The following ARHGAP19 variants were observed in gnomAD, a reference collection of about 807,000 sequenced individuals.
The protein encoded by ARHGAP19 is Rho GTPase activating protein 19, also known as rho GTPase-activating protein 19.
In ARHGAP19, 48 loss-of-function variants were observed where a neutral mutation model predicts 60.9. The observed-to-expected ratio is 0.79, with a 90% CI of 0.62 to 1.00. ARHGAP19 has a LOEUF of 1.00. Ranked by LOEUF, ARHGAP19 falls within the 50% of genes least tolerant of loss-of-function variation. The probability of loss-of-function intolerance (pLI) is 0.00; values close to 1 mark genes in which losing one functional copy is unlikely to be tolerated. For missense variants in ARHGAP19, 562 were observed against 597.2 expected, an observed-to-expected ratio of 0.94 and a Z score of 0.61; for synonymous variants, 209 against 215.5, an observed-to-expected ratio of 0.97 and a Z score of 0.27.
At chr10:97,285,642 C>T (rs1179918227) in intron 1 of ARHGAP19, among the ~76,000 whole-genome samples, 1 of 151,878 alleles carries the variant, frequency 6.6e-6, no homozygotes, top group Non-Finnish European at 1.5e-5. Context: ...CTGCCTCAGC[C>T]TCCCTAGTAG....
chr10:97,264,987 C>A, intron 2 of ARHGAP19, 81 bp from the exon 3 acceptor site: 1 of 1,064,994 alleles, frequency 9.4e-7, no homozygotes, highest in Non-Finnish European at 1.4e-6. Flanking sequence ...CTCAAGCATC[C>A]TATTTTACAA....
chr10:97,249,411 A>G (rs900744179), intron 6 of ARHGAP19, among the ~76,000 whole-genome samples: 10 of 152,224 alleles, frequency 6.6e-5, no homozygotes, highest in African/African-American at 2.4e-4. Flanking sequence ...GCACACAAAC[A>G]TCACCTGTGA....
At chr10:97,232,877 G>A (rs1279617139) in intron 9 of ARHGAP19, among the ~76,000 whole-genome samples, 1 of 152,116 alleles carries the variant, frequency 6.6e-6, no homozygotes, top group Admixed American at 6.5e-5. Context: ...GCTGGGCATG[G>A]TGGCTCACGC....
At chr10:97,247,154 C>T (rs1221896449) in intron 6 of ARHGAP19, among the ~76,000 whole-genome samples, 2 of 149,798 alleles carry the variant, frequency 1.3e-5, no homozygotes, top group East Asian at 3.9e-4. Flanking sequence ...AAAAAAATTA[C>T]AAAAAAATTA....
At chr10:97,251,386 G>A (rs1357303231) in intron 6 of ARHGAP19, among the ~76,000 whole-genome samples, 3 of 8,506 alleles carry the variant, frequency 3.5e-4, no homozygotes, top group Non-Finnish European at 9.5e-4. Flanking sequence ...TGGAAGGGAA[G>A]GGGAAGGGAA....
intron 11 of ARHGAP19, among the ~76,000 whole-genome samples, chr10:97,228,635 A>G (rs11189048): frequency 0.03 from 4,635 of 152,192 alleles, 226 homozygotes; most frequent in African/African-American, 0.1. Flanking sequence ...AGAGCCTGGG[A>G]CAATCAGCAG....
At chr10:97,233,477 A>G (rs1025161077) in intron 9 of ARHGAP19, among the ~76,000 whole-genome samples, 1 of 152,242 alleles carries the variant, frequency 6.6e-6, no homozygotes, top group Non-Finnish European at 1.5e-5. Flanking sequence ...TTTTTAAAAG[A>G]AAAGCAGGGC....
At chr10:97,280,839 C>A (rs1843075101) in intron 1 of ARHGAP19, among the ~76,000 whole-genome samples, 1 of 152,160 alleles carries the variant, frequency 6.6e-6, no homozygotes, top group Non-Finnish European at 1.5e-5. Flanking sequence ...CCCAGCTCAG[C>A]CTCCCCAAGT....
intron 1 of ARHGAP19, among the ~76,000 whole-genome samples, chr10:97,274,289 C>A (rs1312280584): frequency 3.3e-5 from 5 of 151,978 alleles, no homozygotes; most frequent in African/African-American, 4.8e-5. Context: ...CATGGTGAAA[C>A]CCCGTCTCTA....
chr10:97,278,887 A>G (rs1231366975), intron 1 of ARHGAP19, among the ~76,000 whole-genome samples: 1 of 152,112 alleles, frequency 6.6e-6, no homozygotes, highest in Non-Finnish European at 1.5e-5. Context: ...ACAAAACTAA[A>G]TGTTTCCTCC....
intron 8 of ARHGAP19, among the ~76,000 whole-genome samples, chr10:97,236,240 G>C (rs1206637392): frequency 6.6e-6 from 1 of 151,988 alleles, no homozygotes; most frequent in Non-Finnish European, 1.5e-5. Context: ...GCCTACCAAA[G>C]TGCTAGGATT....
At position 97,223,716 on chromosome 10, in the gene ARHGAP19, A is replaced by T. The variant is rs1282271406; in HGVS notation, c.*2406T>A. On this transcript the variant is annotated 3_prime_UTR_variant, in exon 12 of 12. Coordinates refer to ENST00000358531, the MANE Select transcript of ARHGAP19 (RefSeq NM_032900.6). ...ACTGGCTCAAAAACAATACCTGCCC[A>T]CCAAATCAGAAGGGAGACAGCAGCC... 3.3e-5 allele frequency: 5 copies of T among 152,248 alleles called. No individual in the cohort carries two copies. Among genetic ancestry groups the T allele is most frequent in the African/African-American group, 1.2e-4 (5 of 41,466 alleles). The allele number at this position is 152,248 out of a possible 1,614,324, so 9.4% of individuals were successfully genotyped here.
At chr10:97,233,022 G>A (rs868110640) in intron 9 of ARHGAP19, among the ~76,000 whole-genome samples, 2 of 152,038 alleles carry the variant, frequency 1.3e-5, no homozygotes, top group African/African-American at 4.8e-5. Context: ...GGTGGTGGGC[G>A]CCTGTAATCC....
At chr10:97,264,095 A>G (rs972032970) in intron 3 of ARHGAP19, among the ~76,000 whole-genome samples, 6 of 152,196 alleles carry the variant, frequency 3.9e-5, no homozygotes, top group Non-Finnish European at 8.8e-5. Context: ...TCCAGGAATT[A>G]GAACTCTAAT....
intron 1 of ARHGAP19, among the ~76,000 whole-genome samples, chr10:97,284,999 G>A (rs536889528): frequency 2.0e-5 from 3 of 151,426 alleles, no homozygotes; most frequent in Non-Finnish European, 2.9e-5. Flanking sequence ...AAGTAGCTGC[G>A]ATTACAGGTG....
intron 2 of ARHGAP19, 188 bp downstream of exon 2, chr10:97,265,672 T>A (rs777675057): frequency 4.7e-6 from 3 of 632,142 alleles, no homozygotes; most frequent in Non-Finnish European, 5.2e-6. Flanking sequence ...AGTTTAATTA[T>A]TTATTTATCT....
At chr10:97,290,225 A>C (rs1190162184) in intron 1 of ARHGAP19, among the ~76,000 whole-genome samples, 1 of 151,976 alleles carries the variant, frequency 6.6e-6, no homozygotes, top group Non-Finnish European at 1.5e-5. Context: ...CTCGCCCTCT[A>C]CCACTGCTGT....
Position 97,244,115 on chromosome 10 carries a change from C to T in ARHGAP19, c.1038G>A (p.Gln346=), listed in dbSNP as rs749830027. ...GGTTCCGTTTCTGAGACTTTGCCAG[C>T]TGAAAGGACTTAGTATGACATGAAG... The part of the protein sequence containing the change: ...LIASCHTKSF[Q]LAKSQKRNRV... Residue 346 remains glutamine (Q), a synonymous_variant, in exon 8 of 12, where the codon CAG becomes CAA. Transcript: ENST00000358531. 1.2e-6 allele frequency: 2 copies of T among 1,613,908 alleles called. No individual in the cohort carries two copies. The highest frequency in any genetic ancestry group is 1.7e-6 in the Non-Finnish European group (2 of 1,179,934).
Position 97,230,335 on chromosome 10 carries a change from C to T in ARHGAP19, c.1285-461G>A, listed in dbSNP as rs190176771. Among the ~76,000 whole-genome samples the T allele has an allele frequency of 2.0e-5, 3 of 152,298 alleles. No individual in the cohort carries two copies. In the East Asian group the frequency reaches 5.8e-4, roughly 29 times the overall value. Reference sequence around the variant, plus strand: ...TCTTCTCTAAGGCACTTCTTCCTCCCTGTCATTTACTCACACAGGACTGGA... The same window carrying T: ...TCTTCTCTAAGGCACTTCTTCCTCCTTGTCATTTACTCACACAGGACTGGA... On this transcript the variant is annotated intron_variant, in intron 9 of 11. Coordinates refer to ENST00000358531, the MANE Select transcript of ARHGAP19 (RefSeq NM_032900.6).
Sources: gnomAD v4.1 joint callset for allele counts (sites outside exome capture counted in the v4.1 genomes callset) on GRCh38, gnomAD v4.1.1 for gene constraint, MANE v1.5 for transcripts, NCBI Gene and HGNC (gene_info 2026-07-23, HGNC 2026-07-21) for gene names.